Variants in SGTA observed in about 807,000 individuals in gnomAD.
SGTA encodes the protein small glutamine-rich tetratricopeptide repeat-containing protein alpha.
In SGTA, 22 loss-of-function variants were observed where a neutral mutation model predicts 44.3. The observed-to-expected ratio is 0.50, with a 90% CI of 0.36 to 0.71. The LOEUF (loss-of-function observed/expected upper bound fraction) is 0.71, where lower values mean the gene tolerates loss of function less well. Ranked by LOEUF, SGTA falls within the 30% of genes least tolerant of loss-of-function variation. SGTA has a pLI of 0.00. For missense variants in SGTA, 341 were observed against 435.9 expected (o/e 0.78, Z 1.94); for synonymous variants, 174 against 177.6 (o/e 0.98, Z 0.16).
rs1316702371 is a variant in SGTA, at chr19:2,755,719, G to A, written c.*221C>T. On this transcript the variant is annotated 3_prime_UTR_variant, in exon 12 of 12. Coordinates refer to ENST00000221566, the MANE Select transcript of SGTA (RefSeq NM_003021.4). The surrounding 1 kb of genome is among the most constrained non-coding windows in gnomAD (Gnocchi z 5.2). Reference sequence around the variant, plus strand: ...GTCGCTGCTGGTCTGTGCTCAGCTTGCTGGCTCTCGTTTCAAGAAGGGTCT... The same window carrying A: ...GTCGCTGCTGGTCTGTGCTCAGCTTACTGGCTCTCGTTTCAAGAAGGGTCT... 3.0e-6 allele frequency: 3 copies of A among 985,372 alleles called. No homozygotes were observed. Among genetic ancestry groups the A allele is most frequent in the Non-Finnish European group, 2.4e-6 (2 of 830,000 alleles). The allele number at this position is 985,372 out of a possible 1,614,324, so 61.0% of individuals were successfully genotyped here.
At chr19:2,769,207 C>T (rs1477178791) in intron 1 of SGTA, 116 bp from the exon 2 acceptor site, 3 of 625,344 alleles carry the variant, frequency 4.8e-6, no homozygotes, top group Non-Finnish European at 8.6e-6. Context: ...ATCTCAGCTC[C>T]AGGACAGCCC....
At position 2,761,256 on chromosome 19, in the gene SGTA, G is replaced by A. The variant is rs1385032687; in HGVS notation, c.699+204C>T. On this transcript the variant is annotated intron_variant, in intron 8 of 11. Transcript: ENST00000221566. The surrounding 1 kb of genome is among the most constrained non-coding windows in gnomAD (Gnocchi z 5.7). ...TTTTGATTGTCGAAGCAGAGGGTGGGGGTGCTCCTGACATGGGGCGGGTGA... is the reference window on the plus strand; with the variant it reads ...TTTTGATTGTCGAAGCAGAGGGTGGAGGTGCTCCTGACATGGGGCGGGTGA... 6.6e-6 allele frequency among the ~76,000 whole-genome samples: 1 copy of A among 152,078 alleles called. No individual in the cohort carries two copies. Among genetic ancestry groups the A allele is most frequent in the Non-Finnish European group, 1.5e-5 (1 of 68,006 alleles).
chr19:2,772,450 T>G (rs1467742163), intron 1 of SGTA, among the ~76,000 whole-genome samples: 2 of 152,236 alleles, frequency 1.3e-5, no homozygotes, highest in Non-Finnish European at 2.9e-5. Flanking sequence ...AAGGGGTCTC[T>G]GCCGCCAGGT....
In SGTA at chr19:2,769,000, G is replaced by T; in HGVS notation, c.69C>A (p.Gly23=). ...QFLHDQLRHG[G]LSSDAQESLE... ...AGCTCTCCTGAGCATCGGACGAGAG[G>T]CCCCCGTGCCGGAGCTGGTCATGCA... Residue 23 remains glycine, a synonymous_variant, in exon 2 of 12, where the codon GGC becomes GGA. Coordinates refer to ENST00000221566, the MANE Select transcript of SGTA (RefSeq NM_003021.4). 6 of 1,613,860 alleles carry T rather than the reference G, an allele frequency of 3.7e-6. No homozygotes were observed. Among genetic ancestry groups the T allele is most frequent in the Non-Finnish European group, 3.4e-6 (4 of 1,179,884 alleles).
In SGTA at chr19:2,757,678, A is replaced by G. The variant is rs1295814383; in HGVS notation, c.827+15T>C. ...CGCCCACGTCCTCCGTCCTCTTGGAAGCAGTTCCACTCACGCCTGGATGAG... is the reference window on the plus strand; with the variant it reads ...CGCCCACGTCCTCCGTCCTCTTGGAGGCAGTTCCACTCACGCCTGGATGAG... On this transcript the variant is annotated intron_variant, in intron 10 of 11. Coordinates refer to ENST00000221566, the MANE Select transcript of SGTA (RefSeq NM_003021.4). The G allele has an allele frequency of 6.5e-7, 1 of 1,546,682 alleles. No homozygotes were observed. Among genetic ancestry groups the G allele is most frequent in the Admixed American group, 2.0e-5 (1 of 49,034 alleles).
At chr19:2,760,549 A>T (rs1914959808) in intron 8 of SGTA, among the ~76,000 whole-genome samples, 1 of 151,764 alleles carries the variant, frequency 6.6e-6, no homozygotes, top group Non-Finnish European at 1.5e-5. Context: ...AACCAAAAAA[A>T]ACTTTATTAA....
chr19:2,767,284 G>C lies in SGTA; in HGVS notation c.208-64C>G, dbSNP rs902284654. The C allele has an allele frequency of 3.0e-6, 4 of 1,336,368 alleles. No homozygotes were observed. The highest frequency in any genetic ancestry group is 2.9e-5 in the African/African-American group (2 of 69,224). 82.8% of individuals were successfully genotyped at this position (1,336,368 alleles called of 1,614,324 possible). A position where few individuals can be genotyped will look rare whatever the true frequency, so the allele number is the denominator to read the frequency against. On this transcript the variant is annotated intron_variant, in intron 3 of 11. Transcript: ENST00000221566. The surrounding 1 kb of genome is among the most constrained non-coding windows in gnomAD (Gnocchi z 7.3). ...CCCAACCTGGCACCCTCCGGCCTTA[G>C]CTTCCCTCGGGACGCCAGAGAGGGC...
At chr19:2,769,169 C>G (rs1330100686) in intron 1 of SGTA, 78 bp from the exon 2 acceptor site, 1 of 805,244 alleles carries the variant, frequency 1.2e-6, no homozygotes, top group Non-Finnish European at 2.1e-6. Flanking sequence ...CCCTAACTAG[C>G]TGGGCCTCAC....
At chr19:2,777,572 A>T (rs1175818570) in intron 1 of SGTA, 1 of 152,100 alleles carries the variant, frequency 6.6e-6, no homozygotes, top group Non-Finnish European at 1.5e-5. Context: ...TTTCTCTTCA[A>T]AGTCTGGGGT....
At chr19:2,782,401 T>G in intron 1 of SGTA, among the ~76,000 whole-genome samples, 1 of 152,222 alleles carries the variant, frequency 6.6e-6, no homozygotes, top group Non-Finnish European at 1.5e-5. Context: ...TTCTGGCACC[T>G]AATAACAAAA....
At chr19:2,778,194 C>T (rs999412223) in intron 1 of SGTA, among the ~76,000 whole-genome samples, 7 of 151,938 alleles carry the variant, frequency 4.6e-5, no homozygotes, top group Admixed American at 1.3e-4. Context: ...GGGCCTAGCA[C>T]GATCCACGCT....
intron 1 of SGTA, among the ~76,000 whole-genome samples, chr19:2,772,124 G>A (rs1218080343): frequency 1.3e-5 from 2 of 152,234 alleles, no homozygotes; most frequent in Non-Finnish European, 2.9e-5. Context: ...GACGCATGAG[G>A]CAAGGGGCAG....
rs894018194 is a variant in SGTA at position 2,765,542 on chromosome 19, G to T, written c.293-257C>A. Among the ~76,000 whole-genome samples the T allele has an allele frequency of 1.3e-5, 2 of 152,230 alleles. No homozygotes were observed. Among genetic ancestry groups the T allele is most frequent in the Non-Finnish European group, 2.9e-5 (2 of 68,038 alleles). ...GGGGCGGCAGGGCCTGGCCTGGCCT[G>T]TGCCTGGCGACGGTGGCTGTCACTG... On this transcript the variant is annotated intron_variant, in intron 4 of 11. Transcript: ENST00000221566. This position sits in a 1 kb window ranked among gnomAD's most constrained non-coding sequence, Gnocchi z 5.5.
At chr19:2,772,493 G>T (rs993283440) in intron 1 of SGTA, among the ~76,000 whole-genome samples, 2 of 152,254 alleles carry the variant, frequency 1.3e-5, no homozygotes, top group African/African-American at 4.8e-5. Context: ...GGGACCCTCT[G>T]CGCGCAGCCA....
In SGTA at chr19:2,755,488, A is replaced by C. The variant is rs991614087; in HGVS notation, c.*452T>G. The C allele has an allele frequency of 1.0e-6, 1 of 987,120 alleles. No homozygotes were observed. Among genetic ancestry groups the C allele is most frequent in the South Asian group, 4.7e-5 (1 of 21,348 alleles). The allele number at this position is 987,120 out of a possible 1,614,324, so 61.1% of individuals were successfully genotyped here. A position where few individuals can be genotyped will look rare whatever the true frequency, so the allele number is the denominator to read the frequency against. ...CAGGGCCGGGGTGGCCGGGAGGTCG[A>C]CTCGGAAAGAGGCTTCTCACAGACG... On this transcript the variant is annotated 3_prime_UTR_variant, in exon 12 of 12. Coordinates refer to ENST00000221566, the MANE Select transcript of SGTA (RefSeq NM_003021.4). The surrounding 1 kb of genome is among the most constrained non-coding windows in gnomAD (Gnocchi z 5.2).
Position 2,769,048 on chromosome 19 carries a change from C to G in SGTA, c.21G>C (p.Leu7=), listed in dbSNP as rs1264552066. 1 of 1,613,918 alleles carries G rather than the reference C, an allele frequency of 6.2e-7. No individual in the cohort carries two copies. The highest frequency in any genetic ancestry group is 1.1e-5 in the South Asian group (1 of 91,084). ...GCAGGAACTGGATGATGGCGTAGGCCAGGCGCTTCTTGTTGTCCATCTTGA... is the reference window on the plus strand; with the variant it reads ...GCAGGAACTGGATGATGGCGTAGGCGAGGCGCTTCTTGTTGTCCATCTTGA... The part of the protein sequence containing the change: MDNKKR[L]AYAIIQFLHD... The change falls in exon 2 of 12, where the codon CTG becomes CTC. Residue 7 remains leucine, a synonymous_variant. Coordinates refer to ENST00000221566, the MANE Select transcript of SGTA (RefSeq NM_003021.4).
rs1172687675 is a variant in SGTA, at chr19:2,765,959, T to C, written c.293-674A>G. ...TAAGCCCGGGCGCGGTGGCTCATGC[T>C]TATAATCCCAGCACTTTGGGAGGCC... On this transcript the variant is annotated intron_variant, in intron 4 of 11. Transcript: ENST00000221566. This position sits in a 1 kb window ranked among gnomAD's most constrained non-coding sequence, Gnocchi z 5.5. Among the ~76,000 whole-genome samples the C allele has an allele frequency of 6.6e-6, 1 of 152,182 alleles. No homozygotes were observed. The highest frequency in any genetic ancestry group is 1.5e-5 in the Non-Finnish European group (1 of 68,032).
intron 5 of SGTA, among the ~76,000 whole-genome samples, chr19:2,764,090 A>T (rs1915075287): frequency 6.6e-6 from 1 of 152,240 alleles, no homozygotes. Flanking sequence ...ACATATCAGT[A>T]AAAAAAGAAC....
At position 2,767,465 on chromosome 19, in the gene SGTA, G is replaced by A. The variant is rs1915177539; in HGVS notation, c.207+115C>T. 20 of 904,096 alleles carry A rather than the reference G, an allele frequency of 2.2e-5. No homozygotes were observed. The highest frequency in any genetic ancestry group is 3.5e-5 in the Non-Finnish European group (20 of 567,108). 56.0% of individuals were successfully genotyped at this position (904,096 alleles called of 1,614,324 possible). A position where few individuals can be genotyped will look rare whatever the true frequency, so the allele number is the denominator to read the frequency against. Reference sequence around the variant, plus strand: ...GCAGCCACGTCCCCAGCCCAGGAGAGGATGCAGGCAGAGTGCTGGGGGACG... The same window carrying A: ...GCAGCCACGTCCCCAGCCCAGGAGAAGATGCAGGCAGAGTGCTGGGGGACG... On this transcript the variant is annotated intron_variant, in intron 3 of 11. Transcript: ENST00000221566. The surrounding 1 kb of genome is among the most constrained non-coding windows in gnomAD (Gnocchi z 7.3).
Sources: gnomAD v4.1 joint callset for allele counts (sites outside exome capture counted in the v4.1 genomes callset) on GRCh38, gnomAD v4.1.1 for gene constraint, Gnocchi (gnomAD v3.1) non-coding constraint, MANE v1.5 for transcripts, NCBI Gene and HGNC (gene_info 2026-07-23, HGNC 2026-07-21) for gene names.